Variants in SKIC3 observed in about 807,000 individuals in gnomAD.
SKIC3 encodes the protein superkiller complex protein 3.
chr5:95,529,032 T>C, the SKIC3 span: 1 of 1,613,772 alleles, frequency 6.2e-7, no homozygotes, highest in South Asian at 1.1e-5. Context: ...CTTCTTTAGG[T>C]CTATGCATTT....
chr5:95,466,364 C>T, the SKIC3 span, among the ~76,000 whole-genome samples: 1 of 152,132 alleles, frequency 6.6e-6, no homozygotes, highest in Non-Finnish European at 1.5e-5. Flanking sequence ...TAACTCCATC[C>T]TATCTGCCTA....
the SKIC3 span, among the ~76,000 whole-genome samples, chr5:95,504,575 T>G: frequency 6.7e-6 from 1 of 149,812 alleles, no homozygotes; most frequent in Non-Finnish European, 1.5e-5. Context: ...GCTTAACAAG[T>G]CATAAAATGC....
chr5:95,517,414 C>A, the SKIC3 span: 1 of 1,416,710 alleles, frequency 7.1e-7, no homozygotes, highest in East Asian at 2.5e-5. Flanking sequence ...AAAAACTGTA[C>A]ATTAAGTACT....
At chr5:95,520,839 C>G in the SKIC3 span, 1 of 1,533,248 alleles carries the variant, frequency 6.5e-7, no homozygotes, top group African/African-American at 1.4e-5. Flanking sequence ...GTAAGTTTGT[C>G]ACTGTTATTA....
chr5:95,477,086 G>C, the SKIC3 span, among the ~76,000 whole-genome samples: 1 of 152,156 alleles, frequency 6.6e-6, no homozygotes, highest in Non-Finnish European at 1.5e-5. Flanking sequence ...TGAAGGGCAT[G>C]TTATAGGTAC....
the SKIC3 span, chr5:95,514,775 CCATT>C: frequency 2.1e-6 from 3 of 1,441,540 alleles, no homozygotes; most frequent in Non-Finnish European, 2.9e-6. Flanking sequence ...CTATCCGTTA[CCATT>C]ATTATCACTG....
At chr5:95,546,924 C>A in the SKIC3 span, 1 of 819,188 alleles carries the variant, frequency 1.2e-6, no homozygotes, top group African/African-American at 1.7e-5. Context: ...GGTTAAAAGT[C>A]CAACCATTCT....
At chr5:95,476,782 G>A in the SKIC3 span, among the ~76,000 whole-genome samples, 2 of 152,238 alleles carry the variant, frequency 1.3e-5, no homozygotes, top group East Asian at 3.9e-4. Flanking sequence ...TAAAGGTGGG[G>A]TGGGGGATTC....
the SKIC3 span, among the ~76,000 whole-genome samples, chr5:95,479,322 T>A: frequency 3.9e-5 from 6 of 152,176 alleles, no homozygotes; most frequent in South Asian, 1.0e-3. Context: ...TCAAACTAAA[T>A]TAAATAGAGG....
chr5:95,494,481 T>C, the SKIC3 span, among the ~76,000 whole-genome samples: 1 of 152,180 alleles, frequency 6.6e-6, no homozygotes, highest in African/African-American at 2.4e-5. Flanking sequence ...TAGCATTATA[T>C]ATTGTATTAA....
chr5:95,470,200 G>C, the SKIC3 span, among the ~76,000 whole-genome samples: 1 of 151,976 alleles, frequency 6.6e-6, no homozygotes, highest in South Asian at 2.1e-4. Flanking sequence ...GGATGGTCTC[G>C]ATCTCCTGAC....
At chr5:95,484,363 T>C in the SKIC3 span, among the ~76,000 whole-genome samples, 5 of 142,366 alleles carry the variant, frequency 3.5e-5, no homozygotes, top group East Asian at 4.1e-4. Context: ...TTTTTTTTTT[T>C]CCAGACAGGA....
the SKIC3 span, chr5:95,497,502 A>G: frequency 6.2e-7 from 1 of 1,611,322 alleles, no homozygotes; most frequent in Non-Finnish European, 8.5e-7. Context: ...AAGGAATCAA[A>G]AGTAGCAGGC....
At chr5:95,470,949 C>T in the SKIC3 span, among the ~76,000 whole-genome samples, 4 of 152,032 alleles carry the variant, frequency 2.6e-5, no homozygotes, top group Non-Finnish European at 5.9e-5. Context: ...TTCATAACCA[C>T]AAGTATCTAA....
the SKIC3 span, chr5:95,507,008 T>C: frequency 6.2e-7 from 1 of 1,612,106 alleles, no homozygotes; most frequent in Non-Finnish European, 8.5e-7. Context: ...ACAACAAAAT[T>C]GCCCTTAAAA....
the SKIC3 span, chr5:95,529,120 A>G: frequency 6.2e-7 from 1 of 1,610,978 alleles, no homozygotes; most frequent in Non-Finnish European, 8.5e-7. Context: ...GATAAAAACA[A>G]TCACAAAAAA....
the SKIC3 span, among the ~76,000 whole-genome samples, chr5:95,525,937 A>G: frequency 6.6e-6 from 1 of 152,122 alleles, no homozygotes; most frequent in Non-Finnish European, 1.5e-5. Flanking sequence ...CAAACTCACA[A>G]GCAATCATTT....
At chr5:95,509,580 T>C in the SKIC3 span, 1 of 1,581,486 alleles carries the variant, frequency 6.3e-7, no homozygotes, top group Non-Finnish European at 8.7e-7. Flanking sequence ...CTATCACAAT[T>C]AAATGTAGTT....
At chr5:95,526,250 C>G in the SKIC3 span, among the ~76,000 whole-genome samples, 1 of 149,334 alleles carries the variant, frequency 6.7e-6, no homozygotes, top group Non-Finnish European at 1.5e-5. Flanking sequence ...CCCTCCTTCT[C>G]TTTTTTTTTT....
Sources: allele counts gnomAD v4.1 joint callset (sites outside exome capture counted in the v4.1 genomes callset), GRCh38; gene constraint gnomAD v4.1.1; transcripts MANE v1.5; gene names NCBI Gene and HGNC (gene_info 2026-07-23, HGNC 2026-07-21).